The following PLD5 variants were observed in gnomAD, a reference collection of about 807,000 sequenced individuals.
The protein encoded by PLD5 is inactive phospholipase D5.
PLD5 carries 36 observed loss-of-function variants against 61.1 expected under a neutral mutation model. That is an observed-to-expected ratio of 0.59 (90% CI 0.45 to 0.78). PLD5 has a LOEUF of 0.78. PLD5 is among the 30% of genes least tolerant of loss of function. The pLI is 0.00. For synonymous variants in PLD5, 243 were observed against 242.8 expected, an observed-to-expected ratio of 1.00 and a Z score of -0.01; for missense variants, 515 against 644.4, an observed-to-expected ratio of 0.80 and a Z score of 2.17.
At chr1:242,106,251 C>T (rs1032449210) in intron 8 of PLD5, among the ~76,000 whole-genome samples, 16 of 152,142 alleles carry the variant, frequency 1.1e-4, no homozygotes, top group African/African-American at 3.4e-4. Flanking sequence ...GGAATTGTTA[C>T]GGTTTTATTT....
chr1:242,506,730 A>G (rs1286881992), intron 1 of PLD5, among the ~76,000 whole-genome samples: 2 of 152,222 alleles, frequency 1.3e-5, no homozygotes, highest in Non-Finnish European at 2.9e-5. Context: ...AAACATAAGC[A>G]GAGCTACTTT....
chr1:242,102,772 G>C (rs912494635), intron 8 of PLD5, among the ~76,000 whole-genome samples: 2 of 152,062 alleles, frequency 1.3e-5, no homozygotes, highest in African/African-American at 4.8e-5. Flanking sequence ...TGCCCATCTA[G>C]GCTTGTATTG....
intron 3 of PLD5, among the ~76,000 whole-genome samples, chr1:242,281,543 G>A (rs1674719281): frequency 6.6e-6 from 1 of 152,132 alleles, no homozygotes; most frequent in Non-Finnish European, 1.5e-5. Context: ...ACACACACGT[G>A]CAAATATAGA....
intron 1 of PLD5, among the ~76,000 whole-genome samples, chr1:242,422,630 G>C (rs1665206990): frequency 6.6e-6 from 1 of 152,100 alleles, no homozygotes; most frequent in Non-Finnish European, 1.5e-5. Flanking sequence ...ATTTTGCAAG[G>C]ACAGATAACA....
chr1:242,342,641 C>T (rs1659900957), intron 2 of PLD5, among the ~76,000 whole-genome samples: 2 of 152,002 alleles, frequency 1.3e-5, no homozygotes, highest in Admixed American at 1.3e-4. Context: ...TGTCTTTCAC[C>T]CCCTCAGGTA....
chr1:242,184,233 A>G (rs1667727107), intron 5 of PLD5, among the ~76,000 whole-genome samples: 1 of 152,192 alleles, frequency 6.6e-6, no homozygotes, highest in African/African-American at 2.4e-5. Flanking sequence ...TCAAAATAAT[A>G]GCTTCCGTGG....
chr1:242,258,722 T>A (rs1249121718), intron 4 of PLD5, among the ~76,000 whole-genome samples: 4 of 152,186 alleles, frequency 2.6e-5, no homozygotes, highest in Non-Finnish European at 4.4e-5. Flanking sequence ...CATATTCTGG[T>A]AAGCTTCAAA....
At chr1:242,271,563 G>T (rs1271113104) in intron 3 of PLD5, among the ~76,000 whole-genome samples, 2 of 152,064 alleles carry the variant, frequency 1.3e-5, no homozygotes, top group Non-Finnish European at 2.9e-5. Context: ...GCAAGTACAT[G>T]GTTGTATAGC....
chr1:242,359,924 A>G (rs1190700617), intron 1 of PLD5, among the ~76,000 whole-genome samples: 2 of 152,210 alleles, frequency 1.3e-5, no homozygotes, highest in African/African-American at 4.8e-5. Context: ...ATAAACATTC[A>G]ACAAAAACTA....
chr1:242,163,265 TC>T (rs1457623714), intron 5 of PLD5, among the ~76,000 whole-genome samples: 1 of 151,570 alleles, frequency 6.6e-6, no homozygotes, highest in Non-Finnish European at 1.5e-5. Context: ...TGCCTCAGCC[TC>T]CCGAGTAGCT....
At chr1:242,092,194 A>G (rs1659887441) in intron 9 of PLD5, among the ~76,000 whole-genome samples, 1 of 152,064 alleles carries the variant, frequency 6.6e-6, no homozygotes, top group African/African-American at 2.4e-5. Context: ...GGACCTGACC[A>G]TAGCTCATTG....
At chr1:242,200,360 T>C (rs2148954256) in intron 5 of PLD5, among the ~76,000 whole-genome samples, 1 of 152,332 alleles carries the variant, frequency 6.6e-6, no homozygotes, top group Non-Finnish European at 1.5e-5. Flanking sequence ...TGGAAATTAA[T>C]TCAACCTGTG....
rs33990244 is a variant in PLD5, at chr1:242,512,415, C to CAAA, written c.189+11670_189+11672dup. 2.8e-3 allele frequency among the ~76,000 whole-genome samples: 338 copies of CAAA among 120,334 alleles called. 3 individuals are homozygous for CAAA. The highest frequency in any genetic ancestry group is 8.0e-3 in the African/African-American group (252 of 31,490). 78.9% of individuals were successfully genotyped at this position (120,334 alleles called of 152,430 possible). On this transcript the variant is annotated intron_variant, in intron 1 of 9. Coordinates refer to ENST00000536534, the MANE Select transcript of PLD5 (RefSeq NM_001372062.1). ...AGCCCGGGTGACAGAGACTCCATCT[C>CAAA]AAAAAAAAAAAAAAAAAATAGTATT... is the stretch of plus-strand genomic sequence containing the variant.
At chr1:242,157,310 G>A (rs1205727787) in intron 5 of PLD5, among the ~76,000 whole-genome samples, 1 of 152,142 alleles carries the variant, frequency 6.6e-6, no homozygotes, top group Non-Finnish European at 1.5e-5. Flanking sequence ...TGCTCCTTTA[G>A]CTCGGAGAAG....
intron 5 of PLD5, among the ~76,000 whole-genome samples, chr1:242,157,643 G>C (rs1341149453): frequency 6.6e-6 from 1 of 152,178 alleles, no homozygotes; most frequent in Non-Finnish European, 1.5e-5. Flanking sequence ...GACCCTGTTT[G>C]CCTGGGTATC....
intron 9 of PLD5, among the ~76,000 whole-genome samples, chr1:242,098,674 C>G (rs963288907): frequency 6.6e-6 from 1 of 152,088 alleles, no homozygotes; most frequent in Non-Finnish European, 1.5e-5. Flanking sequence ...TCTGTTTTTT[C>G]CCCATCTTCA....
rs78886468 is a variant in PLD5, at chr1:242,407,241, C to T, written c.190-58999G>A. Reference sequence around the variant, plus strand: ...ACTTTGCTCCTCCTTCATTTTCCGTCACGATGGTGAGGCCTCCCCTCAGTT... The same window carrying T: ...ACTTTGCTCCTCCTTCATTTTCCGTTACGATGGTGAGGCCTCCCCTCAGTT... On this transcript the variant is annotated intron_variant, in intron 1 of 9. Transcript: ENST00000536534. 4.7e-3 allele frequency among the ~76,000 whole-genome samples: 715 copies of T among 151,502 alleles called. 5 individuals are homozygous for T. Among genetic ancestry groups the T allele is most frequent in the African/African-American group, 0.017 (683 of 41,148 alleles).
intron 1 of PLD5, among the ~76,000 whole-genome samples, chr1:242,430,026 G>A (rs1345090929): frequency 6.6e-6 from 1 of 152,266 alleles, no homozygotes. Flanking sequence ...AAGCTGCATA[G>A]ACATTTTTTA....
intron 3 of PLD5, among the ~76,000 whole-genome samples, chr1:242,276,468 A>G (rs1674419693): frequency 7.7e-6 from 1 of 130,030 alleles, no homozygotes; most frequent in Non-Finnish European, 1.6e-5. Flanking sequence ...AATATTTATA[A>G]ATTGGAAAGA....
Sources: gnomAD v4.1 joint callset for allele counts (sites outside exome capture counted in the v4.1 genomes callset) on GRCh38, gnomAD v4.1.1 for gene constraint, MANE v1.5 for transcripts, NCBI Gene and HGNC (gene_info 2026-07-23, HGNC 2026-07-21) for gene names.